Variants in C16orf96 observed in about 807,000 individuals in gnomAD.
The protein encoded by C16orf96 is uncharacterized protein C16orf96.
In C16orf96, 108 loss-of-function variants were observed where a neutral mutation model predicts 103.6. The observed-to-expected ratio is 1.04, with a 90% CI of 0.89 to 1.22. The LOEUF is 1.22. C16orf96 is among the 50% of genes most tolerant of loss of function. The pLI, the probability that C16orf96 is intolerant of heterozygous loss-of-function variation, is 0.00. For synonymous variants in C16orf96, 566 were observed against 593.5 expected (o/e 0.95, Z 0.67); for missense variants, 1,586 against 1,464.2 (o/e 1.08, Z -1.36).
chr16:4,551,084 C>G, the C16orf96 span, among the ~76,000 whole-genome samples: 1 of 152,264 alleles, frequency 6.6e-6, no homozygotes, highest in East Asian at 1.9e-4. Flanking sequence ...GCCAGCCTGG[C>G]CAACATGGTG....
the C16orf96 span, among the ~76,000 whole-genome samples, chr16:4,544,436 T>C: frequency 3.3e-5 from 5 of 152,096 alleles, no homozygotes; most frequent in Non-Finnish European, 5.9e-5. Flanking sequence ...CAAAACCCGG[T>C]ATCTACAAAA....
chr16:4,576,593 G>T lies in C16orf96; in HGVS notation c.2113G>T (p.Ala705Ser), dbSNP rs755828741. The stretch of plus-strand genomic sequence containing the variant: ...ACACGACTCTCTGAAGGAAGAATTT[G>T]CCCAGCTGTCCTGTAACCTGAACCA... ...VKHDSLKEEF[A>S]QLSCNLNQRL... The change falls in exon 5 of 16, where the codon GCC becomes TCC. Residue 705 changes from alanine to serine, a missense_variant. Physicochemically the swap from Ala to Ser is moderately conservative, Grantham distance 99. Coordinates refer to ENST00000444310, the MANE Select transcript of C16orf96 (RefSeq NM_001145011.2). 5.2e-6 allele frequency: 8 copies of T among 1,551,474 alleles called. No homozygotes were observed. The highest frequency in any genetic ancestry group is 3.6e-5 in the South Asian group (3 of 84,060).
rs185353315 is a variant in C16orf96 at position 4,591,123 on chromosome 16, G to A, written c.2593-543G>A. Among the ~76,000 whole-genome samples, 112 of 152,274 alleles carry A rather than the reference G, an allele frequency of 7.4e-4. 1 individual carries two copies. Among genetic ancestry groups the A allele is most frequent in the African/African-American group, 2.2e-3 (92 of 41,538 alleles). The stretch of plus-strand genomic sequence containing the variant: ...AATTGCTTGAACCCGGGAGGCGGAG[G>A]TTGCAGTGAGCAGAGATTGCACCAC... On this transcript the variant is annotated intron_variant, in intron 9 of 15. Coordinates refer to ENST00000444310, the MANE Select transcript of C16orf96 (RefSeq NM_001145011.2).
rs925813684 is a variant in C16orf96, at chr16:4,599,417, A to G, written c.3208+53A>G. ...CAGCTGTGATTCTGGAAGGGTCTCC[A>G]GTCCCTCCTCGTCTCATCCCATCCC... On this transcript the variant is annotated intron_variant, in intron 15 of 15. Coordinates refer to ENST00000444310, the MANE Select transcript of C16orf96 (RefSeq NM_001145011.2). The G allele has an allele frequency of 7.5e-6, 11 of 1,463,406 alleles. No homozygotes were observed. The South Asian group carries it at 1.3e-4, about 18-fold the overall frequency. The allele number at this position is 1,463,406 out of a possible 1,614,324, so 90.7% of individuals were successfully genotyped here.
At chr16:4,598,595 G>A (rs573136790) in intron 14 of C16orf96, among the ~76,000 whole-genome samples, 60 of 152,082 alleles carry the variant, frequency 3.9e-4, no homozygotes, top group African/African-American at 1.3e-3. Context: ...TTAATTTTAC[G>A]TTATGTGGAT....
rs1241467580 is a variant in C16orf96, at chr16:4,594,486, T to TC, written c.3007dup (p.His1003ProfsTer6). On this transcript the variant is annotated frameshift_variant, in exon 13 of 16. Transcript: ENST00000444310. LOFTEE classifies it high-confidence loss of function. ...TGTTGACGCTCTATCCCTACGGGGA[T>TC]CCCCACGTGATCGACTATGACAGCG... The TC allele has an allele frequency of 1.1e-5, 17 of 1,551,230 alleles. No individual in the cohort carries two copies. The African/African-American group carries it at 2.1e-4, about 19-fold the overall frequency.
Position 4,576,364 on chromosome 16 carries a change from T to G in C16orf96, c.1884T>G (p.Pro628=). The change falls in exon 5 of 16, where the codon CCT becomes CCG. Residue 628 remains proline, a synonymous_variant. Coordinates refer to ENST00000444310, the MANE Select transcript of C16orf96 (RefSeq NM_001145011.2). ...GVFADVLGAG[P]SRGATESQIL... ...TTGCAGATGTCCTGGGTGCAGGGCC[T>G]TCCCGGGGAGCCACAGAATCCCAGA... 6.4e-7 allele frequency: 1 copy of G among 1,550,914 alleles called. No individual in the cohort carries two copies. The highest frequency in any genetic ancestry group is 8.7e-7 in the Non-Finnish European group (1 of 1,146,990).
At chr16:4,565,227 C>A (rs1360486006) in intron 1 of C16orf96, among the ~76,000 whole-genome samples, 1 of 152,140 alleles carries the variant, frequency 6.6e-6, no homozygotes, top group Non-Finnish European at 1.5e-5. Context: ...TGGCATGGGT[C>A]AGCTTCTGGA....
chr16:4,581,900 G>C (rs991212969), intron 7 of C16orf96, among the ~76,000 whole-genome samples: 2 of 151,810 alleles, frequency 1.3e-5, no homozygotes, highest in Non-Finnish European at 2.9e-5. Flanking sequence ...AGGCTGCAGT[G>C]AGCTGTGACT....
intron 2 of C16orf96, 117 bp downstream of exon 2, chr16:4,571,782 G>A (rs772233707): frequency 1.2e-6 from 1 of 843,040 alleles, no homozygotes; most frequent in Non-Finnish European, 1.8e-6. Flanking sequence ...CTGTGAGGGT[G>A]TGGTCATGTG....
chr16:4,555,152 A>G (rs112806951), upstream of C16orf96, among the ~76,000 whole-genome samples: 2 of 150,768 alleles, frequency 1.3e-5, no homozygotes, highest in Non-Finnish European at 3.0e-5. Flanking sequence ...GATCCCAGCT[A>G]CTCAGGAGGC....
intron 1 of C16orf96, among the ~76,000 whole-genome samples, chr16:4,567,529 C>T (rs562401686): frequency 1.3e-5 from 2 of 151,222 alleles, no homozygotes; most frequent in South Asian, 2.1e-4. Flanking sequence ...ATCATCCGCC[C>T]ACCTCGGCCT....
upstream of C16orf96, among the ~76,000 whole-genome samples, chr16:4,552,674 T>TG (rs2059235423): frequency 6.6e-6 from 1 of 152,064 alleles, no homozygotes; most frequent in African/African-American, 2.4e-5. Context: ...CAATTCCTGG[T>TG]GGGTTCCGGT....
At chr16:4,577,021 G>C (rs550597762) in intron 5 of C16orf96, among the ~76,000 whole-genome samples, 1 of 151,852 alleles carries the variant, frequency 6.6e-6, no homozygotes, top group South Asian at 2.1e-4. Context: ...GAGAAACCCC[G>C]TCTCTACTAA....
chr16:4,585,721 C>T (rs182770945), intron 7 of C16orf96, among the ~76,000 whole-genome samples: 1 of 152,290 alleles, frequency 6.6e-6, no homozygotes, highest in East Asian at 1.9e-4. Flanking sequence ...GGCTGTGTTC[C>T]ACCTGAAAGC....
upstream of C16orf96, among the ~76,000 whole-genome samples, chr16:4,554,588 C>G (rs143228903): frequency 0.023 from 3,540 of 152,020 alleles, 89 homozygotes; most frequent in Admixed American, 0.088. Context: ...ATCTTCTGAC[C>G]TCGTGATCTG....
At chr16:4,585,259 C>T (rs1182829210) in intron 7 of C16orf96, among the ~76,000 whole-genome samples, 1 of 137,358 alleles carries the variant, frequency 7.3e-6, no homozygotes, top group African/African-American at 2.7e-5. Flanking sequence ...TCCAGATCAG[C>T]CTGAGGCAAC....
Position 4,576,711 on chromosome 16 carries a change from C to T in C16orf96, c.2155+76C>T, listed in dbSNP as rs1374159586. ...GCAGCCTTTGAGAAGTGTGTCCTGT[C>T]CTTCACTGGGCTCCACCAACAAAAT... On this transcript the variant is annotated intron_variant, in intron 5 of 15. Coordinates refer to ENST00000444310, the MANE Select transcript of C16orf96 (RefSeq NM_001145011.2). 6 of 1,362,248 alleles carry T rather than the reference C, an allele frequency of 4.4e-6. No homozygotes were observed. In the South Asian group the frequency reaches 6.0e-5, roughly 14 times the overall value. The allele number at this position is 1,362,248 out of a possible 1,614,324, so 84.4% of individuals were successfully genotyped here.
chr16:4,558,337 C>G (rs972083738), intron 1 of C16orf96, among the ~76,000 whole-genome samples: 1 of 152,152 alleles, frequency 6.6e-6, no homozygotes, highest in Non-Finnish European at 1.5e-5. Flanking sequence ...GAAAATAAGC[C>G]GAGCACAGTG....
Sources: gnomAD v4.1 joint callset for allele counts (sites outside exome capture counted in the v4.1 genomes callset) on GRCh38, gnomAD v4.1.1 for gene constraint, MANE v1.5 for transcripts, NCBI Gene and HGNC (gene_info 2026-07-23, HGNC 2026-07-21) for gene names.